Variants in C8orf89 observed in about 807,000 individuals in gnomAD.
The protein encoded by C8orf89 is chromosome 8 open reading frame 89.
In C8orf89, 14 loss-of-function variants were observed where a neutral mutation model predicts 15.8. That is an observed-to-expected ratio of 0.89 (90% CI 0.59 to 1.39). C8orf89 has a LOEUF of 1.39. Among genes scored for constraint, C8orf89 ranks in the 40% most tolerant of loss-of-function variants. The pLI is 0.00. For missense variants in C8orf89, 181 were observed against 184.5 expected (o/e 0.98, Z 0.11); for synonymous variants, 55 against 62.2 (o/e 0.88, Z 0.54).
chr8:73,262,507 T>TA (rs1015256032), upstream of C8orf89, among the ~76,000 whole-genome samples: 3 of 151,862 alleles, frequency 2.0e-5, no homozygotes, highest in Admixed American at 2.0e-4. Context: ...TTTTCCAAAA[T>TA]AAAAAAAAAT....
At chr8:73,284,897 G>C in the C8orf89 span, among the ~76,000 whole-genome samples, 8 of 152,244 alleles carry the variant, frequency 5.3e-5, no homozygotes, top group African/African-American at 1.9e-4. Flanking sequence ...AAAATTGTTT[G>C]CATTTGTCTG....
At chr8:73,247,302 A>G (rs1026382574) in intron 3 of C8orf89, among the ~76,000 whole-genome samples, 3 of 151,940 alleles carry the variant, frequency 2.0e-5, no homozygotes, top group African/African-American at 7.2e-5. Context: ...ATAGTATTCC[A>G]TGGTATATGT....
chr8:73,259,427 T>C lies in C8orf89; in HGVS notation c.32A>G (p.Glu11Gly), dbSNP rs777343081. ...GGAACTTCTGGTGAATTTAGAAGTCTCACATTTGATTTCAGGAGATAGCAC... is the reference window on the plus strand; with the variant it reads ...GGAACTTCTGGTGAATTTAGAAGTCCCACATTTGATTTCAGGAGATAGCAC... MSVLSPEIKC[E>G]TSKFTRSSFG... is the part of the protein sequence containing the mutation. The change falls in exon 1 of 4, where the codon GAG becomes GGG. Residue 11 changes from glutamate (E) to glycine (G), a missense_variant. Transcript: ENST00000624510. 5.2e-6 allele frequency: 8 copies of C among 1,533,960 alleles called. No homozygotes were observed. The South Asian group carries it at 7.2e-5, about 14-fold the overall frequency.
the C8orf89 span, among the ~76,000 whole-genome samples, chr8:73,282,003 C>T: frequency 3.9e-5 from 6 of 152,310 alleles, no homozygotes; most frequent in Non-Finnish European, 7.3e-5. Context: ...TGACCAGGGA[C>T]GCCTACCTTG....
At chr8:73,243,148 A>G (rs563465675) in intron 3 of C8orf89, among the ~76,000 whole-genome samples, 19 of 152,342 alleles carry the variant, frequency 1.2e-4, no homozygotes, top group African/African-American at 4.6e-4. Flanking sequence ...GATGGTTACC[A>G]GAGGCTGGGA....
At position 73,253,610 on chromosome 8, in the gene C8orf89, C is replaced by A. The variant is rs370521446; in HGVS notation, c.282-3287G>T. Among the ~76,000 whole-genome samples, 173 of 151,494 alleles carry A rather than the reference C, an allele frequency of 1.1e-3. 1 individual carries two copies. The highest frequency in any genetic ancestry group is 4.0e-3 in the African/African-American group (163 of 41,054). On this transcript the variant is annotated intron_variant, in intron 2 of 3. Coordinates refer to ENST00000624510, the MANE Select transcript of C8orf89 (RefSeq NM_001243237.3). Reference sequence around the variant, plus strand: ...ATTTGTTTGTATCCTCTTTTATTTCCTTGAGCAGTGGTTTGTAGTTCTCCT... The same window carrying A: ...ATTTGTTTGTATCCTCTTTTATTTCATTGAGCAGTGGTTTGTAGTTCTCCT...
chr8:73,281,651 GTTTA>G, the C8orf89 span, among the ~76,000 whole-genome samples: 3 of 152,072 alleles, frequency 2.0e-5, no homozygotes, highest in South Asian at 2.1e-4. Context: ...TTGTTTGTTT[GTTTA>G]TTTGTTTGTT....
At chr8:73,257,218 C>T (rs2130285041) in intron 1 of C8orf89, 92 bp from the exon 2 acceptor site, 2 of 781,668 alleles carry the variant, frequency 2.6e-6, no homozygotes, top group Non-Finnish European at 3.8e-6. Context: ...ACAAAATCAG[C>T]TATTAAGTAA....
upstream of C8orf89, among the ~76,000 whole-genome samples, chr8:73,261,894 G>T (rs1486139879): frequency 6.6e-6 from 1 of 152,132 alleles, no homozygotes; most frequent in Non-Finnish European, 1.5e-5. Flanking sequence ...AAGGCTCCAG[G>T]CTTGTTCTCT....
At chr8:73,283,080 A>C in the C8orf89 span, among the ~76,000 whole-genome samples, 1 of 152,234 alleles carries the variant, frequency 6.6e-6, no homozygotes, top group African/African-American at 2.4e-5. Context: ...ATAAGGCCAG[A>C]GACTGTAATA....
chr8:73,263,463 G>A (rs1346432600), upstream of C8orf89, among the ~76,000 whole-genome samples: 5 of 151,724 alleles, frequency 3.3e-5, no homozygotes, highest in South Asian at 2.1e-4. Context: ...GCAGTGAGCC[G>A]AGATCACACA....
chr8:73,253,003 C>A (rs573010134), intron 2 of C8orf89, among the ~76,000 whole-genome samples: 7 of 152,274 alleles, frequency 4.6e-5, no homozygotes, highest in African/African-American at 1.2e-4. Context: ...GTTAGCCGGG[C>A]GTGGTGGCGG....
chr8:73,244,084 A>G (rs988661350), intron 3 of C8orf89, among the ~76,000 whole-genome samples: 1 of 152,200 alleles, frequency 6.6e-6, no homozygotes, highest in Non-Finnish European at 1.5e-5. Context: ...TTACATGCCT[A>G]TCAAGTTATT....
chr8:73,241,359 T>G lies in C8orf89; in HGVS notation c.*98A>C. The G allele has an allele frequency of 3.1e-6, 3 of 980,164 alleles. No individual in the cohort carries two copies. The highest frequency in any genetic ancestry group is 4.1e-6 in the Non-Finnish European group (3 of 737,650). The allele number at this position is 980,164 out of a possible 1,614,324, so 60.7% of individuals were successfully genotyped here. On this transcript the variant is annotated 3_prime_UTR_variant, in exon 4 of 4. Coordinates refer to ENST00000624510, the MANE Select transcript of C8orf89 (RefSeq NM_001243237.3). Reference sequence around the variant, plus strand: ...TGTAAAATATTTATTTATTTACATTTCCATTTTTATATAAATCATTTTGCA... The same window carrying G: ...TGTAAAATATTTATTTATTTACATTGCCATTTTTATATAAATCATTTTGCA...
At chr8:73,273,028 A>G in the C8orf89 span, among the ~76,000 whole-genome samples, 1 of 152,172 alleles carries the variant, frequency 6.6e-6, no homozygotes, top group Non-Finnish European at 1.5e-5. Flanking sequence ...AAAATCAGAG[A>G]AATTAGGAGC....
the C8orf89 span, among the ~76,000 whole-genome samples, chr8:73,272,397 T>C: frequency 0.57 from 86,801 of 151,812 alleles, 24,996 homozygotes; most frequent in South Asian, 0.75. Flanking sequence ...GAATACTCAC[T>C]GTACCAAGCA....
chr8:73,280,754 CAT>C, the C8orf89 span, among the ~76,000 whole-genome samples: 2,622 of 145,202 alleles, frequency 0.018, 82 homozygotes, highest in African/African-American at 0.061. Flanking sequence ...CACACACACA[CAT>C]ATACATACAT....
At chr8:73,282,705 AATT>A in the C8orf89 span, among the ~76,000 whole-genome samples, 2 of 152,240 alleles carry the variant, frequency 1.3e-5, no homozygotes, top group African/African-American at 4.8e-5. Flanking sequence ...GCTTTAGAAA[AATT>A]AATATGGCAG....
chr8:73,275,658 A>G, the C8orf89 span, among the ~76,000 whole-genome samples: 3 of 152,124 alleles, frequency 2.0e-5, no homozygotes, highest in Admixed American at 6.5e-5. Context: ...GCCTATTTCT[A>G]TGCTTTCCCC....
Sources: gnomAD v4.1 joint callset for allele counts (sites outside exome capture counted in the v4.1 genomes callset) on GRCh38, gnomAD v4.1.1 for gene constraint, MANE v1.5 for transcripts, NCBI Gene and HGNC (gene_info 2026-07-23, HGNC 2026-07-21) for gene names.